The following ADAMTS14 variants were observed in gnomAD, a reference collection of about 807,000 sequenced individuals.
ADAMTS14 encodes the protein A disintegrin and metalloproteinase with thrombospondin motifs 14.
Under a neutral mutation model 128.6 loss-of-function variants are expected in ADAMTS14, and 100 were observed. The ratio of observed to expected loss-of-function variants is 0.78; its 90% confidence interval spans 0.66 to 0.92. ADAMTS14 has a LOEUF of 0.92. ADAMTS14 is among the 40% of genes least tolerant of loss of function. ADAMTS14 has a pLI of 0.00. For missense variants in ADAMTS14, 1,562 were observed against 1,658.6 expected (o/e 0.94, Z 1.01); for synonymous variants, 665 against 653.8 (o/e 1.02, Z -0.26).
intron 9 of ADAMTS14, among the ~76,000 whole-genome samples, chr10:70,735,764 C>A (rs1457163481): frequency 1.3e-5 from 2 of 152,192 alleles, no homozygotes; most frequent in African/African-American, 4.8e-5. Flanking sequence ...TACAAGGGAG[C>A]ATAACCTTGT....
In ADAMTS14 at chr10:70,674,925, AGTGTGT is replaced by A; in HGVS notation, c.455_460del (p.Cys152_Val153del). On this transcript the variant is annotated inframe_deletion, in exon 2 of 22. Coordinates refer to ENST00000373207, the MANE Select transcript of ADAMTS14 (RefSeq NM_080722.4). ...CTGTTCCGGCAGCCCTTACGGCAGG[AGTGTGT>A]GTACACTGGAGGTGTCACTGGAATG... is the stretch of plus-strand genomic sequence containing the variant. The A allele has an allele frequency of 6.2e-7, 1 of 1,611,676 alleles. No individual in the cohort carries two copies. Among genetic ancestry groups the A allele is most frequent in the South Asian group, 1.1e-5 (1 of 91,050 alleles).
intron 2 of ADAMTS14, 114 bp downstream of exon 2, chr10:70,675,109 T>A: frequency 7.6e-7 from 1 of 1,317,400 alleles, no homozygotes. Context: ...GGGGTGGTGC[T>A]GCCTTCCAGA....
chr10:70,673,403 G>C (rs1839544990), intron 1 of ADAMTS14, among the ~76,000 whole-genome samples: 1 of 152,134 alleles, frequency 6.6e-6, no homozygotes, highest in Admixed American at 6.5e-5. Flanking sequence ...CCCCAACGTA[G>C]CACTGTCAAA....
intron 2 of ADAMTS14, 38 bp downstream of exon 2, chr10:70,675,033 C>T (rs147532816): frequency 1.9e-6 from 3 of 1,593,358 alleles, no homozygotes; most frequent in South Asian, 2.2e-5. Context: ...CATCCTCCCC[C>T]TCCCATGCCC....
Position 70,733,989 on chromosome 10 carries a change from G to T in ADAMTS14, c.1313G>T (p.Trp438Leu). The T allele has an allele frequency of 1.2e-6, 2 of 1,613,816 alleles. No homozygotes were observed. The highest frequency in any genetic ancestry group is 1.7e-6 in the Non-Finnish European group (2 of 1,179,986). ...CAGGCTGCCTTCCACCGCTTCCATTGGTCCCGCTGCAGCAAGCTGGAGCTC... is the reference window on the plus strand; with the variant it reads ...CAGGCTGCCTTCCACCGCTTCCATTTGTCCCGCTGCAGCAAGCTGGAGCTC... Reference protein sequence around the residue: ...LVQAAFHRFHWSRCSKLELSR... With the variant: ...LVQAAFHRFHLSRCSKLELSR... Residue 438 changes from tryptophan (W) to leucine (L), a missense_variant, in exon 8 of 22, where the codon TGG (tryptophan) becomes TTG (leucine). Physicochemically the swap from Trp to Leu is moderately conservative, Grantham distance 61. Transcript: ENST00000373207.
At chr10:70,732,217 C>T (rs1401657267) in intron 6 of ADAMTS14, 37 bp from the exon 7 acceptor site, 2 of 1,585,312 alleles carry the variant, frequency 1.3e-6, no homozygotes, top group Non-Finnish European at 8.7e-7. Flanking sequence ...ACCTGCCCTC[C>T]ACCTCGCTCT....
intron 4 of ADAMTS14, among the ~76,000 whole-genome samples, chr10:70,710,094 A>G (rs1840798766): frequency 6.6e-6 from 1 of 152,144 alleles, no homozygotes; most frequent in African/African-American, 2.4e-5. Context: ...TCCCCTATGA[A>G]GTGTAGTACC....
rs12255814 is a variant in ADAMTS14 at position 70,681,629 on chromosome 10, C to T, written c.522+6634C>T. On this transcript the variant is annotated intron_variant, in intron 2 of 21. Coordinates refer to ENST00000373207, the MANE Select transcript of ADAMTS14 (RefSeq NM_080722.4). ...TCCTGTGCCAAACACCTGTCCTTGC[C>T]CCGGGGGCTGCTCTTGACTGGCTGG... Among the ~76,000 whole-genome samples the T allele has an allele frequency of 9.0e-3, 1,377 of 152,292 alleles. 26 individuals are homozygous for T. Among genetic ancestry groups the T allele is most frequent in the African/African-American group, 0.032 (1,313 of 41,558 alleles).
intron 16 of ADAMTS14, among the ~76,000 whole-genome samples, chr10:70,750,962 A>T (rs1456102355): frequency 3.9e-5 from 6 of 152,240 alleles, no homozygotes; most frequent in African/African-American, 1.4e-4. Context: ...CACTAAAAGC[A>T]TACACAGCAA....
At position 70,672,821 on chromosome 10, in the gene ADAMTS14, C is replaced by G. The variant is rs1369524064; in HGVS notation, c.19C>G (p.Leu7Val). 1.3e-6 allele frequency: 2 copies of G among 1,514,444 alleles called. No individual in the cohort carries two copies. The highest frequency in any genetic ancestry group is 8.8e-7 in the Non-Finnish European group (1 of 1,135,494). The allele number at this position is 1,514,444 out of a possible 1,614,324, so 93.8% of individuals were successfully genotyped here. The change falls in exon 1 of 22, where the codon CTG becomes GTG. Residue 7 changes from leucine to valine, a missense_variant. Transcript: ENST00000373207. Reference protein sequence around the residue: MAPLRALLSYLLPLHCA... With the variant: MAPLRAVLSYLLPLHCA... ...CGGCCACATGGCTCCACTCCGCGCG[C>G]TGCTGTCCTACCTGCTGCCTTTGCA... is the stretch of plus-strand genomic sequence containing the variant.
chr10:70,676,276 C>T (rs915394632), intron 2 of ADAMTS14, among the ~76,000 whole-genome samples: 3 of 152,160 alleles, frequency 2.0e-5, no homozygotes, highest in Non-Finnish European at 2.9e-5. Context: ...GGAGCTGGGG[C>T]TATAGGTGCT....
intron 13 of ADAMTS14, 45 bp from the exon 14 acceptor site, chr10:70,744,020 TG>T (rs1189325516): frequency 1.9e-6 from 3 of 1,543,032 alleles, no homozygotes; most frequent in Admixed American, 2.0e-5. Context: ...GGGGTGGCGG[TG>T]GGGGCAGGGG....
At chr10:70,743,748 C>G in intron 13 of ADAMTS14, 67 bp downstream of exon 13, 1 of 1,473,476 alleles carries the variant, frequency 6.8e-7, no homozygotes, top group South Asian at 1.4e-5. Flanking sequence ...TGTAGCCCCT[C>G]CTGCCTGGGA....
intron 18 of ADAMTS14, among the ~76,000 whole-genome samples, chr10:70,752,645 C>T (rs1358744342): frequency 6.6e-6 from 1 of 152,162 alleles, no homozygotes; most frequent in Admixed American, 6.5e-5. Context: ...CCTCAGCCTC[C>T]ACCAGGCTTC....
chr10:70,743,704 C>T (rs374733395), intron 13 of ADAMTS14, 23 bp downstream of exon 13: 50 of 1,547,644 alleles, frequency 3.2e-5, no homozygotes, highest in African/African-American at 9.6e-5. Context: ...CCAGCCACCC[C>T]GACTACCGGC....
intron 7 of ADAMTS14, 86 bp downstream of exon 7, chr10:70,732,445 C>A (rs1196944598): frequency 1.6e-6 from 2 of 1,286,806 alleles, no homozygotes; most frequent in African/African-American, 1.5e-5. Flanking sequence ...ATTTGCCCAG[C>A]TTGGCCTGGT....
chr10:70,736,744 A>T lies in ADAMTS14; in HGVS notation c.1550A>T (p.Lys517Met). The T allele has an allele frequency of 1.2e-6, 2 of 1,613,822 alleles. No individual in the cohort carries two copies. The highest frequency in any genetic ancestry group is 1.7e-6 in the Non-Finnish European group (2 of 1,179,818). Residue 517 changes from lysine to methionine, a missense_variant, in exon 10 of 22, where the codon AAG becomes ATG. Physicochemically the swap from Lys to Met is moderately conservative, Grantham distance 95. Transcript: ENST00000373207. ...CATCCTGACAACCCGTACTTCTGCA[A>T]GACCAAGAAGGGGCCCCCGCTGGAT... ...CSHPDNPYFC[K>M]TKKGPPLDGT...
At chr10:70,742,523 G>A (rs1415655499) in intron 12 of ADAMTS14, among the ~76,000 whole-genome samples, 1 of 152,242 alleles carries the variant, frequency 6.6e-6, no homozygotes, top group African/African-American at 2.4e-5. Flanking sequence ...GAGACAAGGA[G>A]TTACCAGCTG....
rs61736608 is a variant in ADAMTS14, at chr10:70,760,769, G to A, written c.3588G>A (p.Thr1196=). 1.8e-3 allele frequency: 2,867 copies of A among 1,612,960 alleles called. 5 individuals are homozygous for A. The highest frequency in any genetic ancestry group is 7.4e-3 in the Middle Eastern group (45 of 6,058). Residue 1196 remains threonine (T), a synonymous_variant, in exon 22 of 22, where the codon ACG becomes ACA. Transcript: ENST00000373207. ...GLPWGWTQTP[T]PVPEDKGQPG... ...CTTGGGGCTGGACTCAGACACCTAC[G>A]CCAGTCCCTGAGGACAAAGGGCAAC...
Sources: gnomAD v4.1 joint callset for allele counts (sites outside exome capture counted in the v4.1 genomes callset) on GRCh38, gnomAD v4.1.1 for gene constraint, MANE v1.5 for transcripts, NCBI Gene and HGNC (gene_info 2026-07-23, HGNC 2026-07-21) for gene names.